TENM3: variants seen among roughly 807,000 people sequenced by gnomAD.
TENM3 encodes the protein teneurin transmembrane protein 3, also known as teneurin-3.
Under a neutral mutation model 255.1 loss-of-function variants are expected in TENM3, and 63 were observed. The ratio of observed to expected loss-of-function variants is 0.25; its 90% CI spans 0.20 to 0.30. The LOEUF (loss-of-function observed/expected upper bound fraction) is 0.30. Ranked by LOEUF, TENM3 falls within the 10% of genes least tolerant of loss-of-function variation. TENM3 has a pLI of 1.00. For synonymous variants in TENM3, 1,306 were observed against 1,322.3 expected, an observed-to-expected ratio of 0.99 and a Z score of 0.27; for missense variants, 2,929 against 3,461.1, an observed-to-expected ratio of 0.85 and a Z score of 3.86.
At chr4:182,750,027 T>G (rs1334694118) in intron 19 of TENM3, among the ~76,000 whole-genome samples, 1 of 152,194 alleles carries the variant, frequency 6.6e-6, no homozygotes, top group Non-Finnish European at 1.5e-5. Context: ...TTATATTGAT[T>G]TGTAACTCTT....
intron 3 of TENM3, among the ~76,000 whole-genome samples, chr4:182,386,009 A>G (rs1477768858): frequency 6.6e-6 from 1 of 152,244 alleles, no homozygotes; most frequent in East Asian, 1.9e-4. Context: ...CCTCCCAAGA[A>G]TATTATAAAT....
At chr4:182,627,191 T>C (rs77978180) in intron 4 of TENM3, among the ~76,000 whole-genome samples, 9,361 of 152,296 alleles carry the variant, frequency 0.061, 398 homozygotes, top group East Asian at 0.14. Flanking sequence ...TTTTTATTAA[T>C]TGGATACTTA....
chr4:182,203,784 C>T (rs1754361654), intron 1 of TENM3, among the ~76,000 whole-genome samples: 1 of 152,200 alleles, frequency 6.6e-6, no homozygotes, highest in Non-Finnish European at 1.5e-5. Flanking sequence ...AGCCTCACAA[C>T]CCTTCTGGAA....
At chr4:182,330,451 G>C (rs1405608499) in intron 2 of TENM3, among the ~76,000 whole-genome samples, 1 of 152,204 alleles carries the variant, frequency 6.6e-6, no homozygotes, top group Non-Finnish European at 1.5e-5. Context: ...TCCTCGTATA[G>C]GGAGGGCACC....
At chr4:181,760,704 C>T in the TENM3 span, among the ~76,000 whole-genome samples, 1 of 151,930 alleles carries the variant, frequency 6.6e-6, no homozygotes, top group African/African-American at 2.4e-5. Flanking sequence ...AGCTGTTATT[C>T]CCTTGTGATC....
chr4:182,576,465 A>G (rs1318186410), intron 3 of TENM3, among the ~76,000 whole-genome samples: 1 of 152,232 alleles, frequency 6.6e-6, no homozygotes, highest in East Asian at 1.9e-4. Context: ...TCCTGTGTAG[A>G]GTTCTAAAAT....
At chr4:181,552,023 G>A in the TENM3 span, among the ~76,000 whole-genome samples, 1,422 of 151,874 alleles carry the variant, frequency 9.4e-3, 13 homozygotes, top group Middle Eastern at 0.02. Flanking sequence ...GTTTATGTGG[G>A]GTGGGAGGAG....
intron 1 of TENM3, among the ~76,000 whole-genome samples, chr4:182,310,374 ATTTC>A (rs997564841): frequency 2.3e-4 from 35 of 152,048 alleles, no homozygotes; most frequent in African/African-American, 8.2e-4. Flanking sequence ...AGAATCATTT[ATTTC>A]TGTCAGTCAC....
At chr4:182,113,914 C>T in the TENM3 span, among the ~76,000 whole-genome samples, 2 of 152,138 alleles carry the variant, frequency 1.3e-5, no homozygotes, top group Non-Finnish European at 2.9e-5. Flanking sequence ...AAGATATACT[C>T]ATCATTTAAT....
intron 1 of TENM3, among the ~76,000 whole-genome samples, chr4:182,316,886 C>T (rs778881531): frequency 2.6e-5 from 4 of 152,188 alleles, no homozygotes; most frequent in Admixed American, 2.6e-4. Flanking sequence ...CCTGGGTCCC[C>T]CTTCCTGTGC....
chr4:182,284,647 T>C (rs1245971008), intron 1 of TENM3, among the ~76,000 whole-genome samples: 2 of 152,036 alleles, frequency 1.3e-5, no homozygotes, highest in Non-Finnish European at 2.9e-5. Context: ...TGTCAGACAC[T>C]AGGTGTATCA....
the TENM3 span, among the ~76,000 whole-genome samples, chr4:181,968,988 C>CTATATATATATA: frequency 9.3e-6 from 1 of 107,616 alleles, no homozygotes; most frequent in South Asian, 3.2e-4. Context: ...CTCTCTCTCT[C>CTATATATATATA]TCTCTATATA....
At chr4:181,785,621 T>A in the TENM3 span, among the ~76,000 whole-genome samples, 6 of 152,154 alleles carry the variant, frequency 3.9e-5, no homozygotes, top group Admixed American at 2.0e-4. Context: ...AAGTGGTCAC[T>A]GGAGCATTTC....
At chr4:182,007,730 G>A in the TENM3 span, among the ~76,000 whole-genome samples, 3 of 152,128 alleles carry the variant, frequency 2.0e-5, no homozygotes, top group Admixed American at 2.0e-4. Context: ...TACATTTAAG[G>A]TTAGTATTGT....
At chr4:182,763,141 T>TA (rs1156682446) in intron 22 of TENM3, among the ~76,000 whole-genome samples, 7 of 152,326 alleles carry the variant, frequency 4.6e-5, no homozygotes, top group South Asian at 2.1e-4. Context: ...GGCTTTTTAA[T>TA]AAAAAACTGT....
intron 11 of TENM3, among the ~76,000 whole-genome samples, chr4:182,683,612 C>G (rs930162031): frequency 1.3e-5 from 2 of 151,858 alleles, no homozygotes; most frequent in Non-Finnish European, 2.9e-5. Context: ...TATTTGGAGG[C>G]AAAAAAATTG....
rs1203959794 is a variant in TENM3, at chr4:182,161,728, T to TATACACAA, written c.-76+16977_-76+16978insCACAAATA. On this transcript the variant is annotated intron_variant, in intron 1 of 2. Coordinates refer to the TENM3 transcript ENST00000512480. ...ATATATACATATATATGTGTATATA[T>TATACACAA]ATATACACAAATATATGTGTATATA... Among the ~76,000 whole-genome samples the TATACACAA allele has an allele frequency of 1.9e-5, 2 of 106,556 alleles. 1 individual carries two copies. Among genetic ancestry groups the TATACACAA allele is most frequent in the Non-Finnish European group, 3.7e-5 (2 of 53,924 alleles). The allele number at this position is 106,556 out of a possible 152,430, so 69.9% of individuals were successfully genotyped here.
At chr4:182,013,026 A>C in the TENM3 span, among the ~76,000 whole-genome samples, 8 of 152,178 alleles carry the variant, frequency 5.3e-5, no homozygotes, top group Non-Finnish European at 8.8e-5. Context: ...ACAAAAACAA[A>C]AACGAAAAAC....
At chr4:181,798,892 G>A in the TENM3 span, among the ~76,000 whole-genome samples, 1 of 152,148 alleles carries the variant, frequency 6.6e-6, no homozygotes, top group African/African-American at 2.4e-5. Context: ...TGTGAGCCAG[G>A]GAGATGGCTG....
Sources: allele counts gnomAD v4.1 joint callset (sites outside exome capture counted in the v4.1 genomes callset), GRCh38; gene constraint gnomAD v4.1.1; transcripts MANE v1.5; gene names NCBI Gene and HGNC (gene_info 2026-07-23, HGNC 2026-07-21).